Variants in IKZF2 observed in about 807,000 individuals in gnomAD.
IKZF2 encodes the protein IKAROS family zinc finger 2, also known as zinc finger protein Helios.
IKZF2 carries 15 observed loss-of-function variants against 49.2 expected under a neutral mutation model. The ratio of observed to expected loss-of-function variants is 0.30; its 90% CI spans 0.20 to 0.47. The LOEUF is 0.47. Ranked by LOEUF, IKZF2 falls within the 20% of genes least tolerant of loss-of-function variation. The probability of loss-of-function intolerance (pLI) is 1.00; values close to 1 mark genes in which losing one functional copy is unlikely to be tolerated. For synonymous variants in IKZF2, 227 were observed against 221.4 expected, an observed-to-expected ratio of 1.03 and a Z score of -0.23; for missense variants, 567 against 664.6, an observed-to-expected ratio of 0.85 and a Z score of 1.61.
chr2:213,008,294 T>C (rs1695575276), intron 8 of IKZF2, among the ~76,000 whole-genome samples: 1 of 151,660 alleles, frequency 6.6e-6, no homozygotes, highest in Non-Finnish European at 1.5e-5. Flanking sequence ...TCTCAGGGTG[T>C]GATCTCTGCT....
intron 5 of IKZF2, among the ~76,000 whole-genome samples, chr2:213,052,889 T>G (rs746603751): frequency 1.6e-4 from 25 of 152,098 alleles, no homozygotes; most frequent in Non-Finnish European, 2.9e-4. Flanking sequence ...AAAGATTCAG[T>G]TAACTATCTT....
intron 4 of IKZF2, among the ~76,000 whole-genome samples, chr2:213,124,577 C>A (rs2060195221): frequency 6.6e-6 from 1 of 152,238 alleles, no homozygotes; most frequent in South Asian, 2.1e-4. Flanking sequence ...CATAATTTTT[C>A]ACGTACAAGT....
intron 4 of IKZF2, among the ~76,000 whole-genome samples, chr2:213,120,634 T>C (rs1292150878): frequency 6.6e-6 from 1 of 152,222 alleles, no homozygotes; most frequent in Non-Finnish European, 1.5e-5. Context: ...CAAATTTTTG[T>C]AATAGAAGTA....
intron 4 of IKZF2, among the ~76,000 whole-genome samples, chr2:213,142,473 C>A (rs2060909385): frequency 6.6e-6 from 1 of 152,026 alleles, no homozygotes; most frequent in Non-Finnish European, 1.5e-5. Context: ...AGTAACTTGA[C>A]TGCTCTGAGT....
chr2:213,083,711 G>A lies in IKZF2; in HGVS notation c.140-26612C>T, dbSNP rs536231035. Among the ~76,000 whole-genome samples the A allele has an allele frequency of 3.3e-5, 5 of 151,126 alleles. No individual in the cohort carries two copies. The East Asian group carries it at 5.9e-4, about 18-fold the overall frequency. ...AGCACTGCGCCCAGCCTCAGATGGC[G>A]AACTTTATTGTGAACTGCACATGCC... On this transcript the variant is annotated intron_variant, in intron 4 of 8. Transcript: ENST00000434687.
chr2:213,135,932 C>T (rs2125919534), intron 4 of IKZF2, among the ~76,000 whole-genome samples: 1 of 151,888 alleles, frequency 6.6e-6, no homozygotes, highest in East Asian at 1.9e-4. Context: ...TGCCTGTAAT[C>T]CCAGCTACTC....
chr2:213,113,887 T>C (rs1009908492), intron 4 of IKZF2, among the ~76,000 whole-genome samples: 2 of 152,152 alleles, frequency 1.3e-5, no homozygotes, highest in African/African-American at 4.8e-5. Context: ...TAAAGGTAAA[T>C]AGCTATTTTT....
Position 213,007,889 on chromosome 2 carries a change from A to C in IKZF2, c.1052T>G (p.Ile351Arg). 1.9e-6 allele frequency: 3 copies of C among 1,613,614 alleles called. No individual in the cohort carries two copies. Among genetic ancestry groups the C allele is most frequent in the Non-Finnish European group, 2.5e-6 (3 of 1,179,746 alleles). The change falls in exon 9 of 9, where the codon ATA becomes AGA. Residue 351 changes from isoleucine to arginine, a missense_variant. By Grantham distance (97) the Ile-to-Arg change is moderately conservative. Transcript: ENST00000434687. ...ATAGACCTGAGAATAAGCTGAGCTT[A>C]TAACTGGGGCCACTTCAGCGATTGT... ...PSTIAEVAPV[I>R]SSAYSQVYHP...
Position 213,005,623 on chromosome 2 carries a change from G to A in IKZF2, c.*1737C>T, listed in dbSNP as rs1029776312. The A allele has an allele frequency of 2.0e-5, 3 of 151,958 alleles. No individual in the cohort carries two copies. Among genetic ancestry groups the A allele is most frequent in the Non-Finnish European group, 4.4e-5 (3 of 67,962 alleles). 9.4% of individuals were successfully genotyped at this position (151,958 alleles called of 1,614,324 possible). A position where few individuals can be genotyped will look rare whatever the true frequency, so the allele number is the denominator to read the frequency against. On this transcript the variant is annotated 3_prime_UTR_variant, in exon 9 of 9. Transcript: ENST00000434687. Reference sequence around the variant, plus strand: ...TAATGATCCTTTAGAGCAGTTATCAGTTACTGCCTAACAGAATTTCAGTAT... The same window carrying A: ...TAATGATCCTTTAGAGCAGTTATCAATTACTGCCTAACAGAATTTCAGTAT...
At chr2:213,147,677 CA>C in intron 4 of IKZF2, 30 bp downstream of exon 4, 1 of 1,528,414 alleles carries the variant, frequency 6.5e-7, no homozygotes, top group Non-Finnish European at 9.1e-7. Context: ...GACACACACA[CA>C]CAAAAAAAAA....
At chr2:213,078,527 C>T (rs1037617586) in intron 4 of IKZF2, among the ~76,000 whole-genome samples, 8 of 152,108 alleles carry the variant, frequency 5.3e-5, no homozygotes, top group Non-Finnish European at 8.8e-5. Flanking sequence ...CCCCAGTAAA[C>T]GTACAAGAAA....
intron 6 of IKZF2, among the ~76,000 whole-genome samples, chr2:213,042,981 G>A (rs552579641): frequency 2.6e-5 from 4 of 151,988 alleles, no homozygotes; most frequent in Non-Finnish European, 5.9e-5. Flanking sequence ...AGATAAAAAG[G>A]TTTTTTATTA....
intron 4 of IKZF2, among the ~76,000 whole-genome samples, chr2:213,079,691 A>G (rs566941767): frequency 6.6e-6 from 1 of 152,340 alleles, no homozygotes; most frequent in African/African-American, 2.4e-5. Flanking sequence ...TGCCAGCCCA[A>G]GTAAAAATAT....
chr2:213,061,627 C>T (rs536436187), intron 4 of IKZF2, among the ~76,000 whole-genome samples: 32 of 151,518 alleles, frequency 2.1e-4, no homozygotes, highest in Middle Eastern at 6.8e-3. Flanking sequence ...CAATAAAGAA[C>T]AAAGACAGCA....
intron 4 of IKZF2, among the ~76,000 whole-genome samples, chr2:213,058,261 C>T (rs2125394073): frequency 6.6e-6 from 1 of 152,138 alleles, no homozygotes; most frequent in Admixed American, 6.6e-5. Context: ...ATTATTTAAA[C>T]TGAGTCTCAT....
intron 4 of IKZF2, among the ~76,000 whole-genome samples, chr2:213,115,428 T>C (rs1488025974): frequency 1.3e-5 from 2 of 152,228 alleles, no homozygotes; most frequent in Non-Finnish European, 2.9e-5. Context: ...TTTATCTCTC[T>C]GCCACCCTGG....
chr2:213,072,152 G>A (rs10194726), intron 4 of IKZF2, among the ~76,000 whole-genome samples: 63,491 of 151,830 alleles, frequency 0.42, 14,120 homozygotes, highest in African/African-American at 0.52. Context: ...GTGAATTCTC[G>A]CCCAGCATGA....
intron 4 of IKZF2, among the ~76,000 whole-genome samples, chr2:213,107,979 A>C (rs1352293655): frequency 6.6e-6 from 1 of 152,176 alleles, no homozygotes; most frequent in African/African-American, 2.4e-5. Context: ...CATGATGCTA[A>C]ATTAGGCAAA....
intron 5 of IKZF2, among the ~76,000 whole-genome samples, chr2:213,053,663 A>C (rs1700881123): frequency 6.6e-6 from 1 of 152,132 alleles, no homozygotes; most frequent in East Asian, 1.9e-4. Context: ...AAATTAGGGA[A>C]TTCTATATGT....
Sources: gnomAD v4.1 joint callset for allele counts (sites outside exome capture counted in the v4.1 genomes callset) on GRCh38, gnomAD v4.1.1 for gene constraint, MANE v1.5 for transcripts, NCBI Gene and HGNC (gene_info 2026-07-23, HGNC 2026-07-21) for gene names.